ROBO2: variants seen among roughly 807,000 people sequenced by gnomAD.
The protein encoded by ROBO2 is roundabout homolog 2.
In ROBO2, 53 loss-of-function variants were observed where a neutral mutation model predicts 160.8. The ratio of observed to expected loss-of-function variants is 0.33; its 90% CI spans 0.26 to 0.41. The LOEUF is 0.41. Among genes scored for constraint, ROBO2 ranks in the 10% least tolerant of loss-of-function variants. The pLI is 1.00. For synonymous variants in ROBO2, 664 were observed against 611.7 expected, an observed-to-expected ratio of 1.09 and a Z score of -1.26; for missense variants, 1,577 against 1,722.4, an observed-to-expected ratio of 0.92 and a Z score of 1.49.
rs374358226 is a variant in ROBO2 at position 76,736,630 on chromosome 3, T to TAGA, written c.110-361381_110-361379dup. 6.6e-3 allele frequency among the ~76,000 whole-genome samples: 1,006 copies of TAGA among 152,312 alleles called. 10 individuals are homozygous for TAGA. The highest frequency in any genetic ancestry group is 0.048 in the Middle Eastern group (14 of 294). On this transcript the variant is annotated intron_variant, in intron 2 of 26. Coordinates refer to the ROBO2 transcript ENST00000487694. The stretch of plus-strand genomic sequence containing the variant: ...ATCTGCAGTAAGTAACATTTATAAA[T>TAGA]AGAAGTATAGATTTAAATGAAACCT...
chr3:76,070,280 T>G (rs1427721703), intron 2 of ROBO2, among the ~76,000 whole-genome samples: 1 of 152,174 alleles, frequency 6.6e-6, no homozygotes, highest in Non-Finnish European at 1.5e-5. Context: ...TTTCTCAGCA[T>G]GGAACATCCT....
chr3:77,243,703 G>A (rs1028691364), intron 2 of ROBO2, among the ~76,000 whole-genome samples: 11 of 152,076 alleles, frequency 7.2e-5, no homozygotes, highest in Admixed American at 2.0e-4. Context: ...TAGTGAGCGC[G>A]GCCTTACACA....
chr3:76,055,771 A>G (rs1206186144), intron 2 of ROBO2, among the ~76,000 whole-genome samples: 1 of 151,774 alleles, frequency 6.6e-6, no homozygotes, highest in Non-Finnish European at 1.5e-5. Flanking sequence ...TTATTTATTT[A>G]TTTTTTGAGA....
intron 2 of ROBO2, among the ~76,000 whole-genome samples, chr3:76,204,154 T>C (rs1319334): frequency 0.81 from 123,138 of 152,158 alleles, 51,176 homozygotes; most frequent in Non-Finnish European, 0.91. Flanking sequence ...ATTTCCTAAG[T>C]GATAGTAGTT....
intron 2 of ROBO2, among the ~76,000 whole-genome samples, chr3:76,726,976 C>T (rs945815659): frequency 8.5e-5 from 13 of 152,112 alleles, no homozygotes; most frequent in Admixed American, 7.9e-4. Context: ...GACTGACACA[C>T]GTAAAACTGG....
At chr3:75,915,820 A>G (rs1946789066) in intron 1 of ROBO2, among the ~76,000 whole-genome samples, 1 of 152,202 alleles carries the variant, frequency 6.6e-6, no homozygotes, top group Admixed American at 6.5e-5. Flanking sequence ...GCCTATTTGT[A>G]TATTCAGCTG....
chr3:76,126,758 G>A (rs113414014), intron 2 of ROBO2, among the ~76,000 whole-genome samples: 15 of 152,064 alleles, frequency 9.9e-5, no homozygotes, highest in Admixed American at 3.3e-4. Context: ...CCTACATTTA[G>A]ATCTACTATT....
rs138115238 is a variant in ROBO2 at position 76,455,593 on chromosome 3, G to A, written c.109+517991G>A. Among the ~76,000 whole-genome samples, 16 of 152,158 alleles carry A rather than the reference G, an allele frequency of 1.1e-4. No individual in the cohort carries two copies. The East Asian group carries it at 2.7e-3, about 26-fold the overall frequency. On this transcript the variant is annotated intron_variant, in intron 2 of 26. Coordinates refer to the ROBO2 transcript ENST00000487694. ...TAGTCATTCTAAAATTTAGAAATTA[G>A]ACAAAGTTTATCTTTCCTCTACAGT...
At chr3:76,319,953 G>A (rs2072377928) in intron 2 of ROBO2, among the ~76,000 whole-genome samples, 1 of 152,018 alleles carries the variant, frequency 6.6e-6, no homozygotes, top group South Asian at 2.1e-4. Flanking sequence ...TTAGAGGGGG[G>A]AAGGCATCTG....
intron 2 of ROBO2, among the ~76,000 whole-genome samples, chr3:76,258,553 A>G (rs148892650): frequency 0.037 from 5,681 of 152,090 alleles, 130 homozygotes; most frequent in South Asian, 0.079. Flanking sequence ...AAATATAGCT[A>G]TCTGTGGTTA....
chr3:76,757,549 A>G (rs2061046211), intron 2 of ROBO2, among the ~76,000 whole-genome samples: 1 of 151,798 alleles, frequency 6.6e-6, no homozygotes, highest in South Asian at 2.1e-4. Context: ...CACAGTGTTA[A>G]GAATAATCAA....
At chr3:76,050,229 C>T (rs1198227943) in intron 2 of ROBO2, among the ~76,000 whole-genome samples, 1 of 152,180 alleles carries the variant, frequency 6.6e-6, no homozygotes, top group African/African-American at 2.4e-5. Flanking sequence ...AAGGACTAGA[C>T]TGGCTAAGTC....
chr3:77,145,234 TAAGTAA>T (rs2077028578), intron 2 of ROBO2, among the ~76,000 whole-genome samples: 2 of 152,168 alleles, frequency 1.3e-5, no homozygotes, highest in African/African-American at 4.8e-5. Flanking sequence ...AAAGGAGTTC[TAAGTAA>T]AAGTGATCTG....
chr3:77,239,596 A>G lies in ROBO2; in HGVS notation c.388+141256A>G, dbSNP rs560447065. Among the ~76,000 whole-genome samples the G allele has an allele frequency of 2.0e-4, 31 of 152,284 alleles. No individual in the cohort carries two copies. In the South Asian group the frequency reaches 6.4e-3, roughly 32 times the overall value. ...CATCTTGCTGACTGGCCCATTTTAC[A>G]GAGAGCTGATTGGTCCATTTTGACA... On this transcript the variant is annotated intron_variant, in intron 2 of 25. Transcript: ENST00000461745.
At chr3:76,326,603 TTTTATTTA>T (rs199582640) in intron 2 of ROBO2, among the ~76,000 whole-genome samples, 1 of 150,486 alleles carries the variant, frequency 6.6e-6, no homozygotes, top group African/African-American at 2.5e-5. Context: ...AATTATTATC[TTTTATTTA>T]TTTATTTATT....
chr3:76,088,977 C>T (rs571733704), intron 2 of ROBO2, among the ~76,000 whole-genome samples: 18 of 151,904 alleles, frequency 1.2e-4, no homozygotes, highest in Non-Finnish European at 2.5e-4. Context: ...AGAGAGCACA[C>T]GAATTACCAA....
At chr3:76,949,474 G>A (rs1430106580) in intron 2 of ROBO2, among the ~76,000 whole-genome samples, 1 of 152,114 alleles carries the variant, frequency 6.6e-6, no homozygotes, top group Non-Finnish European at 1.5e-5. Context: ...ATCTCAAATA[G>A]CCTTTTTTAA....
intron 2 of ROBO2, among the ~76,000 whole-genome samples, chr3:76,661,024 A>C (rs889025394): frequency 2.6e-5 from 4 of 152,176 alleles, no homozygotes; most frequent in Admixed American, 2.6e-4. Context: ...TTCTCAATGA[A>C]AGTAATGAGA....
chr3:77,009,453 A>T (rs1201997675), intron 2 of ROBO2, among the ~76,000 whole-genome samples: 3 of 152,180 alleles, frequency 2.0e-5, no homozygotes, highest in African/African-American at 7.2e-5. Context: ...ATTTTTTATA[A>T]TTGGCATTTC....
Sources: gnomAD v4.1 joint callset for allele counts (sites outside exome capture counted in the v4.1 genomes callset) on GRCh38, gnomAD v4.1.1 for gene constraint, MANE v1.5 for transcripts, NCBI Gene and HGNC (gene_info 2026-07-23, HGNC 2026-07-21) for gene names.